ZNF704: variants seen among roughly 807,000 people sequenced by gnomAD.
The protein encoded by ZNF704 is glucocorticoid induced gene 1.
ZNF704 carries 10 observed loss-of-function variants against 44.7 expected under a neutral mutation model. The ratio of observed to expected loss-of-function variants is 0.22; its 90% CI spans 0.14 to 0.38. The LOEUF (loss-of-function observed/expected upper bound fraction) is 0.38. Ranked by LOEUF, ZNF704 falls within the 10% of genes least tolerant of loss-of-function variation. ZNF704 has a pLI of 1.00. For synonymous variants in ZNF704, 211 were observed against 207.6 expected (o/e 1.02, Z -0.14); for missense variants, 390 against 545.5 (o/e 0.71, Z 2.84).
intron 2 of ZNF704, among the ~76,000 whole-genome samples, chr8:80,726,674 G>T (rs1481067229): frequency 6.6e-6 from 1 of 151,988 alleles, no homozygotes; most frequent in Admixed American, 6.6e-5. Context: ...GGACATACAG[G>T]GAGTTCAATA....
chr8:80,802,098 A>G (rs899088278), intron 2 of ZNF704, among the ~76,000 whole-genome samples: 2 of 151,688 alleles, frequency 1.3e-5, no homozygotes, highest in Non-Finnish European at 2.9e-5. Context: ...ATTCCTGGAC[A>G]TATACACCCT....
At chr8:80,868,819 C>T (rs1242610306) in intron 1 of ZNF704, among the ~76,000 whole-genome samples, 2 of 152,178 alleles carry the variant, frequency 1.3e-5, no homozygotes, top group African/African-American at 2.4e-5. Context: ...TCACTCCCTC[C>T]TGCCCTCACT....
chr8:80,760,430 G>A (rs1482823310), intron 2 of ZNF704, among the ~76,000 whole-genome samples: 2 of 152,150 alleles, frequency 1.3e-5, no homozygotes, highest in Admixed American at 6.5e-5. Context: ...GGCTGAGGCG[G>A]GTGGATCACG....
At chr8:80,702,642 T>C (rs1818829481) in intron 2 of ZNF704, among the ~76,000 whole-genome samples, 1 of 152,014 alleles carries the variant, frequency 6.6e-6, no homozygotes, top group Non-Finnish European at 1.5e-5. Context: ...CCAGAGATCT[T>C]GATGGGGTCA....
chr8:80,721,004 C>T (rs1023982756), intron 2 of ZNF704, among the ~76,000 whole-genome samples: 4 of 152,222 alleles, frequency 2.6e-5, no homozygotes, highest in African/African-American at 4.8e-5. Flanking sequence ...GGGTCCCATT[C>T]GCATTGTGTG....
At chr8:80,856,046 C>G (rs1011008720) in intron 1 of ZNF704, among the ~76,000 whole-genome samples, 1 of 152,208 alleles carries the variant, frequency 6.6e-6, no homozygotes. Context: ...AAGCCTTAAA[C>G]TCCTAGTGTC....
At chr8:80,707,404 T>G (rs1818914945) in intron 2 of ZNF704, among the ~76,000 whole-genome samples, 1 of 152,210 alleles carries the variant, frequency 6.6e-6, no homozygotes, top group Non-Finnish European at 1.5e-5. Flanking sequence ...GGCCGACTAC[T>G]CATTTAAAAA....
chr8:80,654,693 A>C (rs547144626), intron 7 of ZNF704, among the ~76,000 whole-genome samples: 1 of 152,308 alleles, frequency 6.6e-6, no homozygotes, highest in African/African-American at 2.4e-5. Context: ...AGGAAACAAC[A>C]GGTGCTGGAG....
chr8:80,749,877 G>T (rs745496608), intron 2 of ZNF704, among the ~76,000 whole-genome samples: 49 of 152,176 alleles, frequency 3.2e-4, no homozygotes, highest in African/African-American at 1.1e-3. Flanking sequence ...ACCAGGGATG[G>T]ACCCTCCTTC....
chr8:80,679,529 C>T (rs566240310), intron 4 of ZNF704, among the ~76,000 whole-genome samples: 5 of 152,208 alleles, frequency 3.3e-5, no homozygotes, highest in African/African-American at 4.8e-5. Flanking sequence ...AGCTTCTCCT[C>T]GCAGAGCTAA....
intron 1 of ZNF704, among the ~76,000 whole-genome samples, chr8:80,857,431 T>C (rs775147129): frequency 1.3e-5 from 2 of 152,198 alleles, no homozygotes; most frequent in Admixed American, 6.5e-5. Flanking sequence ...TGAATGAGTA[T>C]TGAACTTTGT....
intron 2 of ZNF704, among the ~76,000 whole-genome samples, chr8:80,784,256 G>C (rs1323266031): frequency 6.6e-6 from 1 of 152,200 alleles, no homozygotes; most frequent in Non-Finnish European, 1.5e-5. Context: ...GTGGATATAA[G>C]TTTTTAATTC....
At chr8:80,859,357 CTT>C (rs1809020390) in intron 1 of ZNF704, among the ~76,000 whole-genome samples, 1 of 152,172 alleles carries the variant, frequency 6.6e-6, no homozygotes, top group Non-Finnish European at 1.5e-5. Context: ...TTATCCCTGT[CTT>C]GTCTCTAATA....
intron 2 of ZNF704, among the ~76,000 whole-genome samples, chr8:80,700,157 T>C (rs567844099): frequency 2.8e-4 from 43 of 152,354 alleles, no homozygotes; most frequent in African/African-American, 1.0e-3. Context: ...ATAAAATACT[T>C]TGGCACATAA....
At chr8:80,720,070 G>A (rs1336721767) in intron 2 of ZNF704, among the ~76,000 whole-genome samples, 2 of 152,170 alleles carry the variant, frequency 1.3e-5, no homozygotes, top group African/African-American at 4.8e-5. Flanking sequence ...ATTTAAATTC[G>A]AGTCTGTCTG....
chr8:80,779,689 A>G (rs1436801484), intron 2 of ZNF704, among the ~76,000 whole-genome samples: 1 of 151,952 alleles, frequency 6.6e-6, no homozygotes, highest in Non-Finnish European at 1.5e-5. Flanking sequence ...TACATTTCAC[A>G]TTAAGAATAT....
intron 4 of ZNF704, among the ~76,000 whole-genome samples, chr8:80,676,665 A>C (rs1014488523): frequency 2.0e-5 from 3 of 152,260 alleles, no homozygotes; most frequent in African/African-American, 7.2e-5. Context: ...TACTTGCCTT[A>C]CAGCAGCAGT....
At chr8:80,862,873 A>C (rs1234320270) in intron 1 of ZNF704, among the ~76,000 whole-genome samples, 1 of 150,528 alleles carries the variant, frequency 6.6e-6, no homozygotes, top group African/African-American at 2.4e-5. Context: ...CCCACCAGCC[A>C]CTCATGTCAT....
At chr8:80,657,265 T>C (rs947607669) in intron 7 of ZNF704, among the ~76,000 whole-genome samples, 1 of 152,134 alleles carries the variant, frequency 6.6e-6, no homozygotes, top group East Asian at 1.9e-4. Context: ...ACAAAAACCT[T>C]TGAAAATTCC....
Sources: allele counts gnomAD v4.1 joint callset (sites outside exome capture counted in the v4.1 genomes callset), GRCh38; gene constraint gnomAD v4.1.1; transcripts MANE v1.5; gene names NCBI Gene and HGNC (gene_info 2026-07-23, HGNC 2026-07-21).